Variants in NELL1 observed in about 807,000 individuals in gnomAD.
NELL1 encodes neural EGFL like 1.
Under a neutral mutation model 107.4 loss-of-function variants are expected in NELL1, and 76 were observed. That is an observed-to-expected ratio of 0.71 (90% CI 0.59 to 0.86). The LOEUF (loss-of-function observed/expected upper bound fraction) is 0.86, where lower values mean the gene tolerates loss of function less well. Ranked by LOEUF, NELL1 falls within the 40% of genes least tolerant of loss-of-function variation. The pLI is 0.00. For missense variants in NELL1, 1,024 were observed against 1,005.5 expected, an observed-to-expected ratio of 1.02 and a Z score of -0.25; for synonymous variants, 353 against 341.2, an observed-to-expected ratio of 1.03 and a Z score of -0.38.
intron 2 of NELL1, among the ~76,000 whole-genome samples, chr11:20,698,801 C>T (rs921822430): frequency 2.6e-5 from 4 of 152,132 alleles, no homozygotes; most frequent in Non-Finnish European, 4.4e-5. Context: ...CCATTCCTAC[C>T]CTTCCCCACA....
At chr11:21,369,806 G>C (rs1851317182) in intron 14 of NELL1, among the ~76,000 whole-genome samples, 1 of 151,986 alleles carries the variant, frequency 6.6e-6, no homozygotes, top group Non-Finnish European at 1.5e-5. Context: ...CTAAATTCTT[G>C]GTTATCCAGC....
intron 15 of NELL1, among the ~76,000 whole-genome samples, chr11:21,418,219 G>T (rs1385422672): frequency 6.6e-6 from 1 of 151,966 alleles, no homozygotes; most frequent in Non-Finnish European, 1.5e-5. Context: ...TGGGGATGGT[G>T]GTAGAAGACA....
chr11:21,348,633 A>C (rs1259925141), intron 14 of NELL1, among the ~76,000 whole-genome samples: 1 of 152,200 alleles, frequency 6.6e-6, no homozygotes, highest in Non-Finnish European at 1.5e-5. Flanking sequence ...TGTTTAGTAC[A>C]TTACCTGGCA....
chr11:21,541,530 G>A (rs764783768), intron 16 of NELL1, among the ~76,000 whole-genome samples: 6 of 152,016 alleles, frequency 3.9e-5, no homozygotes, highest in Admixed American at 6.6e-5. Flanking sequence ...TAGGAGTGGC[G>A]ATAAAAAGGG....
chr11:21,103,811 A>T (rs1274325356), intron 12 of NELL1, among the ~76,000 whole-genome samples: 1 of 152,174 alleles, frequency 6.6e-6, no homozygotes, highest in Admixed American at 6.5e-5. Context: ...CAAAACAATT[A>T]TTATTTTCTG....
At chr11:21,426,212 T>C (rs1399639284) in intron 15 of NELL1, among the ~76,000 whole-genome samples, 3 of 152,218 alleles carry the variant, frequency 2.0e-5, no homozygotes, top group East Asian at 1.9e-4. Context: ...GCTTATGATA[T>C]TGTTTCCTGC....
intron 12 of NELL1, among the ~76,000 whole-genome samples, chr11:21,044,224 TAAG>T (rs1190710644): frequency 3.3e-5 from 5 of 152,244 alleles, no homozygotes; most frequent in Middle Eastern, 3.4e-3. Context: ...GAAGGGATTT[TAAG>T]AAGGAGGAGT....
chr11:21,406,338 G>A (rs1852235594), intron 15 of NELL1, among the ~76,000 whole-genome samples: 1 of 151,700 alleles, frequency 6.6e-6, no homozygotes, highest in South Asian at 2.1e-4. Flanking sequence ...ATTTTTAAGT[G>A]GTATTTTATT....
intron 14 of NELL1, among the ~76,000 whole-genome samples, chr11:21,247,451 T>C (rs1179239182): frequency 1.3e-5 from 2 of 152,174 alleles, no homozygotes; most frequent in Non-Finnish European, 2.9e-5. Flanking sequence ...TTGAGGTTTT[T>C]TGTTTAAAAT....
At chr11:21,381,787 T>G (rs1490045751) in intron 15 of NELL1, among the ~76,000 whole-genome samples, 1 of 151,804 alleles carries the variant, frequency 6.6e-6, no homozygotes, top group Admixed American at 6.6e-5. Flanking sequence ...TTATGTAACA[T>G]CTTATCAAGC....
At chr11:20,938,192 A>G (rs953687264) in intron 10 of NELL1, among the ~76,000 whole-genome samples, 3 of 152,102 alleles carry the variant, frequency 2.0e-5, no homozygotes, top group Non-Finnish European at 4.4e-5. Context: ...TCAGTCTGTA[A>G]TGCTAGTTAT....
At chr11:21,533,004 G>A (rs1053411896) in intron 15 of NELL1, among the ~76,000 whole-genome samples, 12 of 152,256 alleles carry the variant, frequency 7.9e-5, no homozygotes, top group Middle Eastern at 6.8e-3. Context: ...AACACACACA[G>A]CCTAACTGCA....
chr11:21,412,736 C>G (rs569892115), intron 15 of NELL1, among the ~76,000 whole-genome samples: 1 of 152,088 alleles, frequency 6.6e-6, no homozygotes, highest in South Asian at 2.1e-4. Flanking sequence ...TGAGAATAAC[C>G]TACTATAAAC....
Position 20,747,082 on chromosome 11 carries a change from C to T in NELL1, c.185-36598C>T, listed in dbSNP as rs574660616. On this transcript the variant is annotated intron_variant, in intron 2 of 19. Coordinates refer to ENST00000357134, the MANE Select transcript of NELL1 (RefSeq NM_006157.5). The stretch of plus-strand genomic sequence containing the variant: ...TGCCTGACTTCCTTTTTATAGAACA[C>T]CTGGCACATATAATAATTTTTGAGT... Among the ~76,000 whole-genome samples, 15 of 152,272 alleles carry T rather than the reference C, an allele frequency of 9.9e-5. No individual in the cohort carries two copies. The East Asian group carries it at 2.9e-3, about 29-fold the overall frequency.
chr11:21,526,947 T>C (rs1855870214), intron 15 of NELL1, among the ~76,000 whole-genome samples: 1 of 152,248 alleles, frequency 6.6e-6, no homozygotes, highest in South Asian at 2.1e-4. Context: ...GTGATTAGCA[T>C]TTGGCTCATT....
chr11:20,879,804 T>A (rs956397788), intron 4 of NELL1, among the ~76,000 whole-genome samples: 1 of 152,158 alleles, frequency 6.6e-6, no homozygotes, highest in Non-Finnish European at 1.5e-5. Context: ...GAATTTTGAG[T>A]AATTTACATA....
Position 21,491,316 on chromosome 11 carries a change from T to G in NELL1, c.1646-43058T>G, listed in dbSNP as rs189863299. Among the ~76,000 whole-genome samples, 764 of 152,268 alleles carry G rather than the reference T, an allele frequency of 5.0e-3. 4 individuals are homozygous for G. Among genetic ancestry groups the G allele is most frequent in the African/African-American group, 0.018 (734 of 41,560 alleles). On this transcript the variant is annotated intron_variant, in intron 15 of 19. Coordinates refer to ENST00000357134, the MANE Select transcript of NELL1 (RefSeq NM_006157.5). ...CTAATGCCTAGATTTTCTTCTAGGG[T>G]TTCTATGGTTTTAGGTCTAACGTTT...
At chr11:20,684,900 T>C (rs900967182) in intron 2 of NELL1, among the ~76,000 whole-genome samples, 6 of 152,248 alleles carry the variant, frequency 3.9e-5, no homozygotes, top group Admixed American at 3.9e-4. Context: ...CTGGTGGAAA[T>C]AGGTACTATT....
intron 15 of NELL1, among the ~76,000 whole-genome samples, chr11:21,503,821 T>A (rs4345963): frequency 0.99 from 150,524 of 152,160 alleles, 74,478 homozygotes; most frequent in Middle Eastern, 1. Flanking sequence ...GCCTAGTCCC[T>A]AATTATGAGC....
Sources: gnomAD v4.1 joint callset for allele counts (sites outside exome capture counted in the v4.1 genomes callset) on GRCh38, gnomAD v4.1.1 for gene constraint, MANE v1.5 for transcripts, NCBI Gene and HGNC (gene_info 2026-07-23, HGNC 2026-07-21) for gene names.